The following MAP1B variants were observed in gnomAD, a reference collection of about 807,000 sequenced individuals.
The protein encoded by MAP1B is microtubule associated protein 1B, also known as microtubule-associated protein 1B.
Under a neutral mutation model 176.1 loss-of-function variants are expected in MAP1B, and 12 were observed. That is an observed-to-expected ratio of 0.07 (90% confidence interval 0.04 to 0.11). MAP1B has a LOEUF of 0.11. MAP1B is among the 10% of genes least tolerant of loss of function. MAP1B has a pLI of 1.00. For synonymous variants in MAP1B, 1,044 were observed against 1,135.0 expected (o/e 0.92, Z 1.61); for missense variants, 2,523 against 2,990.5 (o/e 0.84, Z 3.65).
intron 2 of MAP1B, among the ~76,000 whole-genome samples, chr5:72,176,208 C>A (rs766556237): frequency 6.6e-6 from 1 of 151,792 alleles, no homozygotes; most frequent in Non-Finnish European, 1.5e-5. Context: ...CACGTGTGTG[C>A]ACGCACACAC....
At position 72,195,974 on chromosome 5, in the gene MAP1B, C is replaced by T. The variant is rs144157105; in HGVS notation, c.2619C>T (p.Val873=). ...DEEKLKETEP[V]EAYVIQKERE... is the part of the protein sequence containing the mutation. ...AGAAACTGAAGGAAACTGAGCCAGT[C>T]GAAGCCTACGTCATCCAGAAGGAGA... Residue 873 remains valine, a synonymous_variant, in exon 5 of 7, where the codon GTC becomes GTT. Coordinates refer to ENST00000296755, the MANE Select transcript of MAP1B (RefSeq NM_005909.5). The T allele has an allele frequency of 1.9e-4, 308 of 1,614,218 alleles. No individual in the cohort carries two copies. In the East Asian group the frequency reaches 2.0e-3, roughly 10 times the overall value.
At chr5:72,200,403 C>T (rs753504880) in intron 5 of MAP1B, 36 bp downstream of exon 5, 3 of 1,593,096 alleles carry the variant, frequency 1.9e-6, no homozygotes, top group Non-Finnish European at 1.7e-6. Context: ...ATATATGTCA[C>T]AACCATTCTA....
chr5:72,118,524 A>C (rs1289926983), intron 2 of MAP1B, among the ~76,000 whole-genome samples: 1 of 152,184 alleles, frequency 6.6e-6, no homozygotes, highest in Non-Finnish European at 1.5e-5. Flanking sequence ...TTCTTGTGAG[A>C]GGAGAAGGCA....
chr5:72,175,565 C>A (rs1411020668), intron 2 of MAP1B, among the ~76,000 whole-genome samples: 1 of 152,208 alleles, frequency 6.6e-6, no homozygotes. Flanking sequence ...CAAACTTCTT[C>A]CTTCCACTGT....
Position 72,196,160 on chromosome 5 carries a change from A to G in MAP1B, c.2805A>G (p.Glu935=), listed in dbSNP as rs2112236199. The G allele has an allele frequency of 1.2e-6, 2 of 1,613,364 alleles. No homozygotes were observed. The part of the protein sequence containing the change: ...KFEDEGAGFE[E]SSETGDYEEK... Reference sequence around the variant, plus strand: ...AAGATGAAGGAGCCGGTTTTGAAGAATCTTCAGAGACTGGAGACTATGAAG... The same window carrying G: ...AAGATGAAGGAGCCGGTTTTGAAGAGTCTTCAGAGACTGGAGACTATGAAG... Residue 935 remains glutamate (E), a synonymous_variant, in exon 5 of 7, where the codon GAA becomes GAG. Transcript: ENST00000296755. The surrounding 1 kb of genome is among the most constrained non-coding windows in gnomAD (Gnocchi z 5.3).
chr5:72,147,994 C>G (rs891284900), intron 2 of MAP1B, among the ~76,000 whole-genome samples: 9 of 152,118 alleles, frequency 5.9e-5, no homozygotes, highest in African/African-American at 2.2e-4. Flanking sequence ...GAAAGAAAAT[C>G]ACCCAAACTA....
chr5:72,133,672 TTAAA>T (rs1201153636), intron 2 of MAP1B, among the ~76,000 whole-genome samples: 1 of 152,234 alleles, frequency 6.6e-6, no homozygotes, highest in Non-Finnish European at 1.5e-5. Flanking sequence ...TAAGAGATGT[TTAAA>T]TAACAATGCT....
rs368998959 is a variant in MAP1B at position 72,198,203 on chromosome 5, G to A, written c.4848G>A (p.Pro1616=). The A allele has an allele frequency of 5.0e-5, 81 of 1,614,174 alleles. No homozygotes were observed. Among genetic ancestry groups the A allele is most frequent in the Non-Finnish European group, 5.7e-5 (67 of 1,180,030 alleles). Residue 1616 remains proline, a synonymous_variant, in exon 5 of 7, where the codon CCG becomes CCA. Coordinates refer to ENST00000296755, the MANE Select transcript of MAP1B (RefSeq NM_005909.5). ...CATCTAAAGAAGAATGCCCAAGACC[G>A]ATGTCAATTTCTCCACCAGATTTCT... The part of the protein sequence containing the change: ...MSPSKEECPR[P]MSISPPDFSP...
intron 3 of MAP1B, among the ~76,000 whole-genome samples, chr5:72,184,525 T>C (rs1023349461): frequency 2.0e-5 from 3 of 152,236 alleles, no homozygotes; most frequent in Non-Finnish European, 1.5e-5. Context: ...AAATATTAGC[T>C]GTGATTGTTA....
chr5:72,178,843 A>AT (rs1200606560), intron 2 of MAP1B, among the ~76,000 whole-genome samples: 1 of 151,950 alleles, frequency 6.6e-6, no homozygotes, highest in Admixed American at 6.6e-5. Flanking sequence ...AGAAAATAAT[A>AT]TTTTGCTTTA....
intron 6 of MAP1B, 46 bp downstream of exon 6, chr5:72,203,847 C>A: frequency 1.9e-6 from 3 of 1,565,768 alleles, no homozygotes; most frequent in South Asian, 1.1e-5. Context: ...GAGCTGTGTC[C>A]AGAGGCAATG....
chr5:72,202,507 T>G (rs958311376), intron 5 of MAP1B, among the ~76,000 whole-genome samples: 1 of 152,212 alleles, frequency 6.6e-6, no homozygotes, highest in Non-Finnish European at 1.5e-5. Flanking sequence ...ATGATAGTCT[T>G]TAAATATCCT....
At position 72,199,205 on chromosome 5, in the gene MAP1B, T is replaced by C; in HGVS notation, c.5850T>C (p.Pro1950=). 6.2e-7 allele frequency: 1 copy of C among 1,614,058 alleles called. No individual in the cohort carries two copies. Among genetic ancestry groups the C allele is most frequent in the Non-Finnish European group, 8.5e-7 (1 of 1,179,968 alleles). The change falls in exon 5 of 7, where the codon CCT becomes CCC. Residue 1950 remains proline, a synonymous_variant. Coordinates refer to ENST00000296755, the MANE Select transcript of MAP1B (RefSeq NM_005909.5). This position sits in a 1 kb window ranked among gnomAD's most constrained non-coding sequence, Gnocchi z 4.2. ...TTATTGAGAAGACCACACGGACCCCTGAAGAGGGTGGGTACTCATATGACA... is the reference window on the plus strand; with the variant it reads ...TTATTGAGAAGACCACACGGACCCCCGAAGAGGGTGGGTACTCATATGACA... ...YEIIEKTTRT[P]EEGGYSYDIS...
chr5:72,165,256 T>C (rs952181078), intron 2 of MAP1B, among the ~76,000 whole-genome samples: 2 of 152,220 alleles, frequency 1.3e-5, no homozygotes, highest in Non-Finnish European at 2.9e-5. Flanking sequence ...AATTATTTGT[T>C]TATTTTTGCT....
chr5:72,151,316 A>G (rs73761727), intron 2 of MAP1B, among the ~76,000 whole-genome samples: 2,241 of 152,176 alleles, frequency 0.015, 48 homozygotes, highest in African/African-American at 0.051. Flanking sequence ...TGCCCCCATG[A>G]CCCAGACCCC....
At chr5:72,184,338 C>G (rs1055728698) in intron 3 of MAP1B, among the ~76,000 whole-genome samples, 1 of 152,178 alleles carries the variant, frequency 6.6e-6, no homozygotes, top group Non-Finnish European at 1.5e-5. Context: ...TTCATAATCC[C>G]ACATCTGCCT....
intron 2 of MAP1B, among the ~76,000 whole-genome samples, chr5:72,154,376 C>T (rs891110270): frequency 6.6e-6 from 1 of 152,210 alleles, no homozygotes; most frequent in African/African-American, 2.4e-5. Flanking sequence ...TGGTCCCATT[C>T]CAGTTTACTG....
chr5:72,115,369 C>T lies in MAP1B; in HGVS notation c.185-329C>T, dbSNP rs113935816. Reference sequence around the variant, plus strand: ...CTCTTAGCTTCTTAAGAACTAACATCTTCCTGCCCTTTCTAGTCCCTCCCT... The same window carrying T: ...CTCTTAGCTTCTTAAGAACTAACATTTTCCTGCCCTTTCTAGTCCCTCCCT... On this transcript the variant is annotated intron_variant, in intron 1 of 6. Coordinates refer to ENST00000296755, the MANE Select transcript of MAP1B (RefSeq NM_005909.5). Among the ~76,000 whole-genome samples the T allele has an allele frequency of 3.0e-3, 452 of 152,322 alleles. 3 individuals are homozygous for T. Among genetic ancestry groups the T allele is most frequent in the African/African-American group, 0.011 (438 of 41,556 alleles).
chr5:72,107,711 G>C lies in MAP1B; in HGVS notation c.180G>C (p.Glu60Asp). Residue 60 changes from glutamate (E) to aspartate (D), a missense_variant, in exon 1 of 7, where the codon GAG becomes GAC. Glu to Asp is a conservative substitution (Grantham distance 45, BLOSUM62 2). Transcript: ENST00000296755. ...EHLRRAIGNI[E>D]LGIRSWDTNL... ...TGCGGCGTGCCATCGGCAACATCGAGCTCGGTAAGTGGCCCCGCGCCCCCA... is the reference window on the plus strand; with the variant it reads ...TGCGGCGTGCCATCGGCAACATCGACCTCGGTAAGTGGCCCCGCGCCCCCA... 1 of 1,599,146 alleles carries C rather than the reference G, an allele frequency of 6.3e-7. No homozygotes were observed. Among genetic ancestry groups the C allele is most frequent in the Non-Finnish European group, 8.5e-7 (1 of 1,179,530 alleles).
Sources: allele counts gnomAD v4.1 joint callset (sites outside exome capture counted in the v4.1 genomes callset), GRCh38; gene constraint gnomAD v4.1.1; non-coding constraint Gnocchi (gnomAD v3.1); transcripts MANE v1.5; gene names NCBI Gene and HGNC (gene_info 2026-07-23, HGNC 2026-07-21).